KATNB1: variants seen among roughly 807,000 people sequenced by gnomAD.
KATNB1 encodes the protein katanin p80 WD40 repeat-containing subunit B1.
In KATNB1, 38 loss-of-function variants were observed where a neutral mutation model predicts 82.3. The observed-to-expected ratio is 0.46, with a 90% CI of 0.36 to 0.61. KATNB1 has a LOEUF of 0.61. KATNB1 is among the 20% of genes least tolerant of loss of function. KATNB1 has a pLI of 0.00. For missense variants in KATNB1, 749 were observed against 915.7 expected, an observed-to-expected ratio of 0.82 and a Z score of 2.35; for synonymous variants, 361 against 368.7, an observed-to-expected ratio of 0.98 and a Z score of 0.24.
At position 57,751,443 on chromosome 16, in the gene KATNB1, G is replaced by C. The variant is rs1274295937; in HGVS notation, c.432+141G>C. ...TAAAACATAGACCTGGAGCTGAGCA[G>C]GAGCGCCATGGGCGGCCCACCTGGA... On this transcript the variant is annotated intron_variant, in intron 6 of 19. Coordinates refer to ENST00000379661, the MANE Select transcript of KATNB1 (RefSeq NM_005886.3). The surrounding 1 kb of genome is among the most constrained non-coding windows in gnomAD (Gnocchi z 6.3). 6.9e-6 allele frequency: 7 copies of C among 1,020,982 alleles called. No individual in the cohort carries two copies. Among genetic ancestry groups the C allele is most frequent in the African/African-American group, 1.6e-5 (1 of 63,284 alleles). 63.2% of individuals were successfully genotyped at this position (1,020,982 alleles called of 1,614,324 possible). A position where few individuals can be genotyped will look rare whatever the true frequency, so the allele number is the denominator to read the frequency against.
chr16:57,756,346 C>T lies in KATNB1; in HGVS notation c.1719-10C>T, dbSNP rs1033008634. ...GGTCCATCTGTGACTTCATCCATCT[C>T]CCCCTAAAGCTACGTCCAGACGGGC... On this transcript the variant is annotated splice_polypyrimidine_tract_variant and intron_variant, in intron 18 of 19. Coordinates refer to ENST00000379661, the MANE Select transcript of KATNB1 (RefSeq NM_005886.3). 3 of 1,609,310 alleles carry T rather than the reference C, an allele frequency of 1.9e-6. No individual in the cohort carries two copies. The highest frequency in any genetic ancestry group is 1.1e-5 in the South Asian group (1 of 90,620).
In KATNB1 at chr16:57,751,226, C is replaced by T. The variant is rs9938236; in HGVS notation, c.391-35C>T. The T allele has an allele frequency of 0.081, 130,194 of 1,610,152 alleles. 5,657 individuals carry two copies. The highest frequency in any genetic ancestry group is 0.13 in the South Asian group (11,776 of 90,966). On this transcript the variant is annotated intron_variant, in intron 5 of 19. Coordinates refer to ENST00000379661, the MANE Select transcript of KATNB1 (RefSeq NM_005886.3). This position sits in a 1 kb window ranked among gnomAD's most constrained non-coding sequence, Gnocchi z 6.3. ...CCTCCAGTCGTGGCTCTGACCTCTC[C>T]TGACTCTGCCCCTCTGCTTCTCTCT...
At position 57,752,155 on chromosome 16, in the gene KATNB1, T is replaced by A; in HGVS notation, c.632+100T>A. Reference sequence around the variant, plus strand: ...TGCCGGTCTGTCGCTGTCTGGGGTGTCATACGTCTGATGATCCTGTGTGGA... The same window carrying A: ...TGCCGGTCTGTCGCTGTCTGGGGTGACATACGTCTGATGATCCTGTGTGGA... On this transcript the variant is annotated intron_variant, in intron 8 of 19. Coordinates refer to ENST00000379661, the MANE Select transcript of KATNB1 (RefSeq NM_005886.3). 4 of 785,356 alleles carry A rather than the reference T, an allele frequency of 5.1e-6. No homozygotes were observed. In the South Asian group the frequency reaches 5.9e-5, roughly 11 times the overall value. The allele number at this position is 785,356 out of a possible 1,614,324, so 48.6% of individuals were successfully genotyped here.
intron 4 of KATNB1, among the ~76,000 whole-genome samples, chr16:57,748,361 C>T (rs1028191440): frequency 4.6e-5 from 7 of 151,814 alleles, no homozygotes; most frequent in Admixed American, 1.3e-4. Context: ...CATGGTGGCT[C>T]ACACCTGTAA....
rs2049266603 is a variant in KATNB1, at chr16:57,755,251, C to A, written c.1416+13C>A. ...CGACTTCCTGCCCGTGAGTAGGAGC[C>A]CAGCTCGAGGCATGGGTGGAGGTCT... On this transcript the variant is annotated intron_variant, in intron 15 of 19. Coordinates refer to ENST00000379661, the MANE Select transcript of KATNB1 (RefSeq NM_005886.3). The A allele has an allele frequency of 1.2e-6, 2 of 1,610,554 alleles. No individual in the cohort carries two copies. Among genetic ancestry groups the A allele is most frequent in the Admixed American group, 1.7e-5 (1 of 59,978 alleles).
rs782202454 is a variant in KATNB1 at position 57,753,132 on chromosome 16, G to A, written c.911G>A (p.Arg304His). ...TCCTCCTACGTGGTGGATCTGACGCGTGTCACCAGGACTGGCACGGTGGCC... is the reference window on the plus strand; with the variant it reads ...TCCTCCTACGTGGTGGATCTGACGCATGTCACCAGGACTGGCACGGTGGCC... ...NVSSYVVDLT[R>H]VTRTGTVARD... The change falls in exon 11 of 20, where the codon CGT (arginine) becomes CAT (histidine). Residue 304 changes from arginine (R) to histidine (H), a missense_variant. By Grantham distance (29) the Arg-to-His change is conservative. This residue lies in a region of KATNB1 where 407 missense variants were observed against 434.7 expected (regional missense o/e 0.94). Coordinates refer to ENST00000379661, the MANE Select transcript of KATNB1 (RefSeq NM_005886.3). 7.0e-5 allele frequency: 113 copies of A among 1,611,106 alleles called. No homozygotes were observed. Among genetic ancestry groups the A allele is most frequent in the African/African-American group, 3.1e-4 (23 of 74,906 alleles).
rs548002543 is a variant in KATNB1, at chr16:57,751,342, C to A, written c.432+40C>A. The A allele has an allele frequency of 6.3e-7, 1 of 1,594,632 alleles. No individual in the cohort carries two copies. ...TGTCGGTGACTCCATGAGCACCTTG[C>A]GGGCATTGAGTGTGGTGTGGTGCCC... On this transcript the variant is annotated intron_variant, in intron 6 of 19. Coordinates refer to ENST00000379661, the MANE Select transcript of KATNB1 (RefSeq NM_005886.3). The surrounding 1 kb of genome is among the most constrained non-coding windows in gnomAD (Gnocchi z 6.3).
At chr16:57,746,721 G>A (rs2049186456) in intron 4 of KATNB1, among the ~76,000 whole-genome samples, 1 of 152,086 alleles carries the variant, frequency 6.6e-6, no homozygotes, top group Admixed American at 6.6e-5. Flanking sequence ...GCCTTAGCAG[G>A]TGGTGCCAGC....
In KATNB1 at chr16:57,744,463, G is replaced by T; in HGVS notation, c.241G>T (p.Gly81Cys). 1 of 1,614,072 alleles carries T rather than the reference G, an allele frequency of 6.2e-7. No homozygotes were observed. Among genetic ancestry groups the T allele is most frequent in the Non-Finnish European group, 8.5e-7 (1 of 1,180,030 alleles). The change falls in exon 4 of 20, where the codon GGC becomes TGC. Residue 81 changes from glycine to cysteine, a missense_variant. Gly to Cys is a radical substitution (Grantham distance 159, BLOSUM62 -3). This residue lies in a region of KATNB1 where 247 missense variants were observed against 349.4 expected (regional missense o/e 0.71). Coordinates refer to ENST00000379661, the MANE Select transcript of KATNB1 (RefSeq NM_005886.3). ...CACCCCCGAGGAGCTCATCGTGGCC[G>T]GCTCTCAGTCGGGCTCCATCCGTGT... ...LNTPEELIVA[G>C]SQSGSIRVWD...
chr16:57,751,713 C>G lies in KATNB1; in HGVS notation c.505C>G (p.His169Asp). 6.2e-7 allele frequency: 1 copy of G among 1,610,088 alleles called. No individual in the cohort carries two copies. Among genetic ancestry groups the G allele is most frequent in the Non-Finnish European group, 8.5e-7 (1 of 1,179,994 alleles). ...GTGGTTGGCGTCGGCCGCAGATGACCACACCGTGAAGGTAGCTCCCGGCCT... is the reference window on the plus strand; with the variant it reads ...GTGGTTGGCGTCGGCCGCAGATGACGACACCGTGAAGGTAGCTCCCGGCCT... ...GKWLASAADDHTVKLWDLTAG... is the reference protein window; with the variant it reads ...GKWLASAADDDTVKLWDLTAG... The change falls in exon 7 of 20, where the codon CAC becomes GAC. Residue 169 changes from histidine to aspartate, a missense_variant. Coordinates refer to ENST00000379661, the MANE Select transcript of KATNB1 (RefSeq NM_005886.3). The surrounding 1 kb of genome is among the most constrained non-coding windows in gnomAD (Gnocchi z 6.3).
Position 57,737,176 on chromosome 16 carries a change from A to AC in KATNB1, c.-63dup. ...GATTGGTGGATCTGGGGGGGGATCC[A>AC]CCCCCACCCCACGAGGAAAGCACAG... On this transcript the variant is annotated 5_prime_UTR_variant, in exon 2 of 20. An upstream open reading frame in the 5' UTR loses its in-frame stop. Transcript: ENST00000379661. The AC allele has an allele frequency of 6.4e-7, 1 of 1,570,164 alleles. No individual in the cohort carries two copies. Among genetic ancestry groups the AC allele is most frequent in the Non-Finnish European group, 8.7e-7 (1 of 1,143,334 alleles).
At chr16:57,756,319 T>C (rs967295303) in intron 18 of KATNB1, 37 bp from the exon 19 acceptor site, 24 of 1,560,790 alleles carry the variant, frequency 1.5e-5, no homozygotes, top group Non-Finnish European at 2.1e-5. Context: ...TCTGTGGCCC[T>C]TGGTCCATCT....
chr16:57,744,636 C>G, intron 4 of KATNB1, 125 bp downstream of exon 4: 2 of 805,796 alleles, frequency 2.5e-6, no homozygotes, highest in Middle Eastern at 2.3e-4. Context: ...GGAGCACTAA[C>G]CCGGCAGTGT....
At position 57,751,873 on chromosome 16, in the gene KATNB1, G is replaced by A; in HGVS notation, c.517-67G>A. The A allele has an allele frequency of 7.0e-7, 1 of 1,434,918 alleles. No homozygotes were observed. Among genetic ancestry groups the A allele is most frequent in the Non-Finnish European group, 9.8e-7 (1 of 1,025,526 alleles). 88.9% of individuals were successfully genotyped at this position (1,434,918 alleles called of 1,614,324 possible). ...AGCTTGTGGATAAAGAGCTTGGCCT[G>A]GATTAGAGGGAGGGTGGGCAGCCAA... On this transcript the variant is annotated intron_variant, in intron 7 of 19. Transcript: ENST00000379661. The surrounding 1 kb of genome is among the most constrained non-coding windows in gnomAD (Gnocchi z 6.3).
At chr16:57,748,473 A>ATTTTT (rs1567899436) in intron 4 of KATNB1, among the ~76,000 whole-genome samples, 10 of 150,616 alleles carry the variant, frequency 6.6e-5, no homozygotes, top group East Asian at 1.9e-4. Flanking sequence ...TTTTTTAAAA[A>ATTTTT]AAAAAAAAAA....
chr16:57,737,856 C>T (rs1307760280), intron 2 of KATNB1, among the ~76,000 whole-genome samples: 2 of 152,250 alleles, frequency 1.3e-5, no homozygotes, highest in South Asian at 2.1e-4. Flanking sequence ...TTATTGAGGA[C>T]CCCAGAGTGC....
In KATNB1 at chr16:57,756,412, T is replaced by G. The variant is rs1555586559; in HGVS notation, c.1775T>G (p.Leu592Arg). Residue 592 changes from leucine (L) to arginine (R), a missense_variant, in exon 19 of 20, where the codon CTC becomes CGC. Physicochemically the swap from Leu to Arg is moderately radical, Grantham distance 102. Coordinates refer to ENST00000379661, the MANE Select transcript of KATNB1 (RefSeq NM_005886.3). The stretch of plus-strand genomic sequence containing the variant: ...CTGATCCTGCAGCGGTTTCTGCCCC[T>G]CATCACAGACATGCTGGCGGCCCCA... The part of the protein sequence containing the change: ...LKLILQRFLP[L>R]ITDMLAAPPS... 6.2e-7 allele frequency: 1 copy of G among 1,613,832 alleles called. No individual in the cohort carries two copies. Among genetic ancestry groups the G allele is most frequent in the South Asian group, 1.1e-5 (1 of 91,070 alleles).
In KATNB1 at chr16:57,756,419, A is replaced by G; in HGVS notation, c.1782A>G (p.Thr594=). 1 of 1,613,978 alleles carries G rather than the reference A, an allele frequency of 6.2e-7. No individual in the cohort carries two copies. The highest frequency in any genetic ancestry group is 8.5e-7 in the Non-Finnish European group (1 of 1,180,022). ...LILQRFLPLI[T]DMLAAPPSVG... ...TGCAGCGGTTTCTGCCCCTCATCAC[A>G]GACATGCTGGCGGCCCCACCCTCTG... Residue 594 remains threonine, a synonymous_variant, in exon 19 of 20, where the codon ACA becomes ACG. Coordinates refer to ENST00000379661, the MANE Select transcript of KATNB1 (RefSeq NM_005886.3).
At position 57,751,785 on chromosome 16, in the gene KATNB1, G is replaced by T. The variant is rs1259775014; in HGVS notation, c.516+61G>T. 4.0e-6 allele frequency: 6 copies of T among 1,516,036 alleles called. No individual in the cohort carries two copies. The highest frequency in any genetic ancestry group is 3.6e-6 in the Non-Finnish European group (4 of 1,100,162). The allele number at this position is 1,516,036 out of a possible 1,614,324, so 93.9% of individuals were successfully genotyped here. A position where few individuals can be genotyped will look rare whatever the true frequency, so the allele number is the denominator to read the frequency against. ...GGCTGGGGTCTGCTGATCACAGCAG[G>T]CTGAGTCCTCACCTCCCTCCTGATC... On this transcript the variant is annotated intron_variant, in intron 7 of 19. Transcript: ENST00000379661. This position sits in a 1 kb window ranked among gnomAD's most constrained non-coding sequence, Gnocchi z 6.3.
Sources: allele counts gnomAD v4.1 joint callset (sites outside exome capture counted in the v4.1 genomes callset), GRCh38; gene constraint gnomAD v4.1.1; regional missense constraint gnomAD v4.1.1; non-coding constraint Gnocchi (gnomAD v3.1); transcripts MANE v1.5; gene names NCBI Gene and HGNC (gene_info 2026-07-23, HGNC 2026-07-21).